Variants in HESX1 observed in about 807,000 individuals in gnomAD.
HESX1 encodes the protein homeobox expressed in ES cells 1.
Under a neutral mutation model 22.5 loss-of-function variants are expected in HESX1, and 11 were observed. The observed-to-expected ratio is 0.49, with a 90% CI of 0.31 to 0.81. The LOEUF (loss-of-function observed/expected upper bound fraction) is 0.81, where lower values mean the gene tolerates loss of function less well. Among genes scored for constraint, HESX1 ranks in the 30% least tolerant of loss-of-function variants. The pLI is 0.05. For missense variants in HESX1, 201 were observed against 212.6 expected, an observed-to-expected ratio of 0.95 and a Z score of 0.34; for synonymous variants, 74 against 76.5, an observed-to-expected ratio of 0.97 and a Z score of 0.17.
At chr3:57,227,398 T>C (rs1559504154), upstream of HESX1, among the ~76,000 whole-genome samples, 1 of 152,206 alleles carries the variant, frequency 6.6e-6, no homozygotes, top group African/African-American at 2.4e-5. Context: ...GCAGTAGGAC[T>C]TTCTCCAAGG....
At chr3:57,207,201 C>T (rs984737693) in intron 1 of HESX1, among the ~76,000 whole-genome samples, 2 of 152,156 alleles carry the variant, frequency 1.3e-5, no homozygotes, top group Non-Finnish European at 2.9e-5. Flanking sequence ...CAACGCACCT[C>T]GGCCTCCCAA....
chr3:57,200,202 T>G (rs999505626), upstream of HESX1, among the ~76,000 whole-genome samples: 7 of 152,232 alleles, frequency 4.6e-5, no homozygotes, highest in Admixed American at 3.9e-4. Context: ...TTATCTCTCC[T>G]AAGCAGAACA....
At chr3:57,209,357 G>T (rs1395097193) in intron 1 of HESX1, among the ~76,000 whole-genome samples, 1 of 152,046 alleles carries the variant, frequency 6.6e-6, no homozygotes, top group Non-Finnish European at 1.5e-5. Context: ...TGAAAATAGT[G>T]ATGATAGGCC....
chr3:57,226,461 G>A (rs2060645434), exon 1 of HESX1: 1 of 152,160 alleles, frequency 6.6e-6, no homozygotes, highest in Non-Finnish European at 1.5e-5. Flanking sequence ...CTCTTCGGGA[G>A]AGAGAGACTG....
intron 1 of HESX1, among the ~76,000 whole-genome samples, chr3:57,205,603 A>T (rs765078594): frequency 3.9e-5 from 6 of 152,122 alleles, no homozygotes; most frequent in Non-Finnish European, 5.9e-5. Flanking sequence ...CAAGGCATTT[A>T]CACTGGCTGT....
Position 57,199,866 on chromosome 3 carries a change from GT to G in HESX1, c.52del (p.Thr18LeufsTer10). On this transcript the variant is annotated frameshift_variant, in exon 1 of 4. Coordinates refer to ENST00000295934, the MANE Select transcript of HESX1 (RefSeq NM_003865.3). LOFTEE classifies it high-confidence loss of function. The part of the protein sequence containing the change: ...GAQLGENKPS[T>X]CSFSIERILG... Reference sequence around the variant, plus strand: ...GATTCTCTCAATTGAAAAGGAGCAAGTTGAGGGTTTGTTTTCCCCGAGCTGA... The same window carrying G: ...GATTCTCTCAATTGAAAAGGAGCAAGTGAGGGTTTGTTTTCCCCGAGCTGA... 1 of 1,614,078 alleles carries G rather than the reference GT, an allele frequency of 6.2e-7. No homozygotes were observed. The highest frequency in any genetic ancestry group is 8.5e-7 in the Non-Finnish European group (1 of 1,179,950).
At chr3:57,221,247 C>T (rs935747084) in intron 1 of HESX1, among the ~76,000 whole-genome samples, 17 of 151,684 alleles carry the variant, frequency 1.1e-4, no homozygotes, top group Non-Finnish European at 1.5e-5. Context: ...TCCAACTCTC[C>T]AGCTCAAGCG....
chr3:57,205,713 C>T (rs2060516189), intron 1 of HESX1, among the ~76,000 whole-genome samples: 1 of 152,194 alleles, frequency 6.6e-6, no homozygotes, highest in African/African-American at 2.4e-5. Context: ...ATGAGGCCTA[C>T]CTTTCTCCCC....
At chr3:57,210,305 A>T (rs973405283) in intron 1 of HESX1, among the ~76,000 whole-genome samples, 1 of 152,212 alleles carries the variant, frequency 6.6e-6, no homozygotes, top group Admixed American at 6.5e-5. Context: ...TGTTTTAGGA[A>T]CATGTAAATC....
chr3:57,199,945 G>A lies in HESX1; in HGVS notation c.-27C>T, dbSNP rs745892879. ...CTCTCGTGGTCTGCACAGAGCAACAGCTCTGGCCTCTGCTGGCTCTGCCCC... is the reference window on the plus strand; with the variant it reads ...CTCTCGTGGTCTGCACAGAGCAACAACTCTGGCCTCTGCTGGCTCTGCCCC... On this transcript the variant is annotated 5_prime_UTR_variant, in exon 1 of 4. Transcript: ENST00000295934. 5 of 1,611,676 alleles carry A rather than the reference G, an allele frequency of 3.1e-6. No individual in the cohort carries two copies. The highest frequency in any genetic ancestry group is 4.2e-6 in the Non-Finnish European group (5 of 1,178,312).
At chr3:57,222,560 A>G (rs893416724) in intron 1 of HESX1, among the ~76,000 whole-genome samples, 1 of 152,138 alleles carries the variant, frequency 6.6e-6, no homozygotes, top group African/African-American at 2.4e-5. Context: ...CCCCCAGCCT[A>G]TGAGCAATTT....
chr3:57,202,110 G>A (rs1458091856), upstream of HESX1, among the ~76,000 whole-genome samples: 1 of 151,796 alleles, frequency 6.6e-6, no homozygotes, highest in African/African-American at 2.4e-5. Flanking sequence ...TAGTAGAGAC[G>A]AAGTTTCACC....
chr3:57,227,337 G>A (rs779638332), upstream of HESX1, among the ~76,000 whole-genome samples: 10 of 152,206 alleles, frequency 6.6e-5, no homozygotes, highest in Non-Finnish European at 1.2e-4. Flanking sequence ...AAGACTGGAC[G>A]CTTCGAGCGG....
chr3:57,225,918 T>C (rs1308335210), intron 1 of HESX1, among the ~76,000 whole-genome samples: 1 of 150,406 alleles, frequency 6.6e-6, no homozygotes. Context: ...TCTTGCTCTG[T>C]CGCCCAGGCC....
chr3:57,217,988 C>G (rs112856374), intron 1 of HESX1, among the ~76,000 whole-genome samples: 1,606 of 152,316 alleles, frequency 0.011, 13 homozygotes, highest in Non-Finnish European at 0.019. Flanking sequence ...TCTGGGCCCC[C>G]ATGGCTTCTC....
intron 3 of HESX1, 21 bp from the exon 4 acceptor site, chr3:57,198,316 A>G: frequency 6.3e-7 from 1 of 1,586,028 alleles, no homozygotes; most frequent in Non-Finnish European, 8.7e-7. Context: ...GGAAAAATAA[A>G]ATAGGTCTCA....
At chr3:57,212,689 C>G (rs1326701010) in intron 1 of HESX1, among the ~76,000 whole-genome samples, 2 of 152,022 alleles carry the variant, frequency 1.3e-5, no homozygotes, top group Admixed American at 1.3e-4. Context: ...ACTTTTACCC[C>G]ATCTTACCTC....
At chr3:57,199,621 GAA>G (rs113245988) in intron 1 of HESX1, 139 bp downstream of exon 1, 353 of 362,984 alleles carry the variant, frequency 9.7e-4, no homozygotes, top group South Asian at 1.3e-3. Flanking sequence ...CTCTGTCTCA[GAA>G]AAAAAAAAAA....
At chr3:57,215,797 C>A (rs997795041) in intron 1 of HESX1, among the ~76,000 whole-genome samples, 1 of 151,820 alleles carries the variant, frequency 6.6e-6, no homozygotes, top group Non-Finnish European at 1.5e-5. Context: ...AACAAAAAAA[C>A]CACAGAAAAA....
Sources: allele counts gnomAD v4.1 joint callset (sites outside exome capture counted in the v4.1 genomes callset), GRCh38; gene constraint gnomAD v4.1.1; transcripts MANE v1.5; gene names NCBI Gene and HGNC (gene_info 2026-07-23, HGNC 2026-07-21).